GPR158: variants seen among roughly 807,000 people sequenced by gnomAD.
The protein encoded by GPR158 is G protein-coupled receptor 158, also known as metabotropic glycine receptor.
A neutral mutation model predicts 78.2 loss-of-function variants in GPR158; 30 were observed. That is an observed-to-expected ratio of 0.38 (90% CI 0.29 to 0.52). The LOEUF (loss-of-function observed/expected upper bound fraction) is 0.52, where lower values mean the gene tolerates loss of function less well. GPR158 is among the 20% of genes least tolerant of loss of function. The pLI is 0.83. For missense variants in GPR158, 1,463 were observed against 1,523.5 expected (o/e 0.96, Z 0.66); for synonymous variants, 581 against 591.1 (o/e 0.98, Z 0.25).
At chr10:25,355,799 G>A (rs1319944757) in intron 2 of GPR158, among the ~76,000 whole-genome samples, 2 of 152,040 alleles carry the variant, frequency 1.3e-5, no homozygotes, top group East Asian at 3.9e-4. Flanking sequence ...GGTTTCAAAG[G>A]TGATATCCTA....
chr10:25,406,696 GTT>G (rs1834520289), intron 3 of GPR158, among the ~76,000 whole-genome samples: 1 of 152,066 alleles, frequency 6.6e-6, no homozygotes, highest in African/African-American at 2.4e-5. Context: ...GTTATAATTT[GTT>G]TTCTTTTCCA....
At chr10:25,383,052 G>A in intron 2 of GPR158, among the ~76,000 whole-genome samples, 1 of 152,034 alleles carries the variant, frequency 6.6e-6, no homozygotes, top group East Asian at 1.9e-4. Context: ...GGCCAGGCTG[G>A]TCTGGAACAC....
At chr10:25,447,648 T>A (rs1835155200) in intron 4 of GPR158, among the ~76,000 whole-genome samples, 1 of 152,134 alleles carries the variant, frequency 6.6e-6, no homozygotes, top group Non-Finnish European at 1.5e-5. Flanking sequence ...CAGAAAGTTG[T>A]GTAATGTGGG....
At chr10:25,520,870 C>G (rs1441936124) in intron 5 of GPR158, among the ~76,000 whole-genome samples, 3 of 152,238 alleles carry the variant, frequency 2.0e-5, no homozygotes, top group African/African-American at 7.2e-5. Context: ...AGGCAGGCCT[C>G]CTTGAGCTGT....
rs10642944 is a variant in GPR158 at position 25,212,627 on chromosome 10, C to CTTTTTTTTTTTTTT, written c.903-8416_903-8403dup. On this transcript the variant is annotated intron_variant, in intron 1 of 10. Coordinates refer to ENST00000376351, the MANE Select transcript of GPR158 (RefSeq NM_020752.3). ...TACTTAACTACTAGAGAATTTATAGCTTTTTTTTTTTTTTTTTTTTTTGAG... is the reference window on the plus strand; with the variant it reads ...TACTTAACTACTAGAGAATTTATAGCTTTTTTTTTTTTTTTTTTTTTTTTTTTTTTTTTTTTGAG... Among the ~76,000 whole-genome samples the CTTTTTTTTTTTTTT allele has an allele frequency of 1.9e-4, 15 of 78,570 alleles. 1 individual carries two copies. Among genetic ancestry groups the CTTTTTTTTTTTTTT allele is most frequent in the African/African-American group, 6.9e-4 (13 of 18,710 alleles). The allele number at this position is 78,570 out of a possible 152,430, so 51.5% of individuals were successfully genotyped here.
At chr10:25,388,290 G>GAGTGGTTGTGGGAGCAGC (rs1834248611) in intron 2 of GPR158, among the ~76,000 whole-genome samples, 2 of 152,230 alleles carry the variant, frequency 1.3e-5, no homozygotes, top group African/African-American at 4.8e-5. Flanking sequence ...GTGGCAGCAG[G>GAGTGGTTGTGGGAGCAGC]AGTGGTTGTG....
intron 2 of GPR158, among the ~76,000 whole-genome samples, chr10:25,275,501 A>G (rs1358622614): frequency 6.6e-6 from 1 of 152,188 alleles, no homozygotes; most frequent in Non-Finnish European, 1.5e-5. Flanking sequence ...ATCGGTAACA[A>G]CCTTTTCCAA....
chr10:25,219,901 G>A (rs1169025090), intron 1 of GPR158, among the ~76,000 whole-genome samples: 15 of 151,944 alleles, frequency 9.9e-5, no homozygotes, highest in Admixed American at 9.8e-4. Flanking sequence ...ATAATGTTTG[G>A]TTTTCTTAAA....
At chr10:25,193,763 A>G (rs1402878099) in intron 1 of GPR158, among the ~76,000 whole-genome samples, 1 of 151,796 alleles carries the variant, frequency 6.6e-6, no homozygotes, top group Non-Finnish European at 1.5e-5. Context: ...CTGCCTCCTT[A>G]GCTCTGGAAG....
At chr10:25,235,693 ATTT>A (rs930396368) in intron 2 of GPR158, among the ~76,000 whole-genome samples, 35 of 113,770 alleles carry the variant, frequency 3.1e-4, no homozygotes, top group African/African-American at 1.1e-3. Flanking sequence ...TTGCACAGTA[ATTT>A]TTTTTTTTTT....
chr10:25,573,921 T>TATTA (rs1033328381), intron 7 of GPR158, among the ~76,000 whole-genome samples: 5 of 152,066 alleles, frequency 3.3e-5, no homozygotes, highest in Admixed American at 3.3e-4. Flanking sequence ...ATATAAAGCT[T>TATTA]ATTATATTTT....
intron 2 of GPR158, among the ~76,000 whole-genome samples, chr10:25,388,434 T>C (rs920286944): frequency 1.3e-5 from 2 of 152,186 alleles, no homozygotes; most frequent in African/African-American, 4.8e-5. Context: ...TTAACCTTGC[T>C]CCCTGCCATG....
chr10:25,230,650 G>A (rs904695116), intron 2 of GPR158, among the ~76,000 whole-genome samples: 6 of 152,242 alleles, frequency 3.9e-5, no homozygotes, highest in Admixed American at 3.9e-4. Flanking sequence ...TTTTCTCAAG[G>A]AATACAGGGG....
chr10:25,397,809 C>G (rs955391914), intron 3 of GPR158, among the ~76,000 whole-genome samples: 1 of 152,118 alleles, frequency 6.6e-6, no homozygotes, highest in Non-Finnish European at 1.5e-5. Flanking sequence ...GATAGTCACT[C>G]CCTTGCTTAG....
chr10:25,487,299 A>T (rs1835747832), intron 5 of GPR158, among the ~76,000 whole-genome samples: 1 of 152,180 alleles, frequency 6.6e-6, no homozygotes, highest in Admixed American at 6.6e-5. Context: ...TTATACCGGG[A>T]ATCTGTGCTT....
chr10:25,274,204 A>G (rs143150227), intron 2 of GPR158, among the ~76,000 whole-genome samples: 5 of 152,178 alleles, frequency 3.3e-5, no homozygotes, highest in Non-Finnish European at 7.3e-5. Context: ...CTTTCTAAAC[A>G]TTTGTCTTTA....
intron 7 of GPR158, among the ~76,000 whole-genome samples, chr10:25,577,396 GT>G (rs1409837787): frequency 6.6e-6 from 1 of 152,144 alleles, no homozygotes; most frequent in African/African-American, 2.4e-5. Context: ...TCAAGAAGCT[GT>G]GTGCACTTAC....
At chr10:25,466,788 A>G (rs942941506) in intron 5 of GPR158, 69 bp downstream of exon 5, 2 of 508,046 alleles carry the variant, frequency 3.9e-6, no homozygotes. Context: ...GTTACTGTTT[A>G]CACACACACA....
intron 2 of GPR158, among the ~76,000 whole-genome samples, chr10:25,391,861 G>C (rs542092634): frequency 6.6e-6 from 1 of 152,144 alleles, no homozygotes; most frequent in Non-Finnish European, 1.5e-5. Flanking sequence ...ATCTTGAATT[G>C]TTCCTATCCT....
Sources: allele counts gnomAD v4.1 joint callset (sites outside exome capture counted in the v4.1 genomes callset), GRCh38; gene constraint gnomAD v4.1.1; transcripts MANE v1.5; gene names NCBI Gene and HGNC (gene_info 2026-07-23, HGNC 2026-07-21).